DLG2: variants seen among roughly 807,000 people sequenced by gnomAD.
The protein encoded by DLG2 is disks large homolog 2.
A neutral mutation model predicts 132.5 loss-of-function variants in DLG2; 45 were observed. The ratio of observed to expected loss-of-function variants is 0.34; its 90% CI spans 0.27 to 0.44. DLG2 has a LOEUF of 0.44. DLG2 is among the 20% of genes least tolerant of loss of function. DLG2 has a pLI of 1.00. For synonymous variants in DLG2, 424 were observed against 419.6 expected (o/e 1.01, Z -0.13); for missense variants, 1,045 against 1,196.9 (o/e 0.87, Z 1.87).
chr11:85,560,454 A>C (rs1158118639), intron 3 of DLG2, among the ~76,000 whole-genome samples: 1 of 151,926 alleles, frequency 6.6e-6, no homozygotes, highest in African/African-American at 2.4e-5. Flanking sequence ...CCTCAAAAAC[A>C]TTATGGTAAG....
At chr11:83,664,192 T>C (rs183811415) in intron 18 of DLG2, among the ~76,000 whole-genome samples, 109 of 152,300 alleles carry the variant, frequency 7.2e-4, no homozygotes, top group Non-Finnish European at 1.2e-3. Flanking sequence ...TGTTGACACA[T>C]AGGCTGTCAT....
chr11:84,195,899 C>A (rs1314496770), intron 8 of DLG2, among the ~76,000 whole-genome samples: 1 of 152,150 alleles, frequency 6.6e-6, no homozygotes, highest in Non-Finnish European at 1.5e-5. Flanking sequence ...GTGCAAGGAT[C>A]ATGCCTGCTA....
In DLG2 at chr11:84,030,728, C is replaced by T. The variant is rs141719879; in HGVS notation, c.919+28587G>A. On this transcript the variant is annotated intron_variant, in intron 11 of 27. Transcript: ENST00000376104. ...TCCTCCTGAAAAAATATGTGATAGA[C>T]TAAGGTTAGAGTTCTTCTACCTGAA... Among the ~76,000 whole-genome samples the T allele has an allele frequency of 1.8e-3, 270 of 152,142 alleles. 1 individual carries two copies. The highest frequency in any genetic ancestry group is 6.0e-3 in the African/African-American group (250 of 41,518).
At chr11:84,271,997 G>A (rs971500722) in intron 7 of DLG2, 4 of 147,350 alleles carry the variant, frequency 2.7e-5, no homozygotes, top group Admixed American at 1.4e-4. Context: ...ATAAACATAG[G>A]AGAAGCAAAC....
chr11:84,446,161 GT>G (rs1231624418), intron 7 of DLG2, among the ~76,000 whole-genome samples: 1 of 151,278 alleles, frequency 6.6e-6, no homozygotes, highest in African/African-American at 2.4e-5. Context: ...TCAATTTATT[GT>G]TTTTTACCTA....
At chr11:84,455,495 C>T (rs954326233) in intron 7 of DLG2, among the ~76,000 whole-genome samples, 1 of 151,150 alleles carries the variant, frequency 6.6e-6, no homozygotes, top group African/African-American at 2.4e-5. Flanking sequence ...AATGATTAAC[C>T]TCAGCAACCT....
At chr11:85,113,291 T>G (rs527382844) in intron 5 of DLG2, among the ~76,000 whole-genome samples, 9 of 152,166 alleles carry the variant, frequency 5.9e-5, no homozygotes, top group African/African-American at 1.9e-4. Context: ...ATAATAGATA[T>G]AGATTCTCCT....
At chr11:84,933,477 A>G (rs1210012922) in intron 6 of DLG2, among the ~76,000 whole-genome samples, 1 of 152,174 alleles carries the variant, frequency 6.6e-6, no homozygotes, top group Middle Eastern at 3.2e-3. Context: ...TTTTAATGAT[A>G]TTAATTTTTC....
chr11:84,443,922 A>AT (rs891199433), intron 7 of DLG2, among the ~76,000 whole-genome samples: 2 of 150,568 alleles, frequency 1.3e-5, no homozygotes, highest in Non-Finnish European at 3.0e-5. Context: ...CATTTTTATC[A>AT]TTTTTTTCTC....
intron 6 of DLG2, among the ~76,000 whole-genome samples, chr11:84,809,717 A>C (rs1032664165): frequency 6.6e-6 from 1 of 152,052 alleles, no homozygotes; most frequent in Non-Finnish European, 1.5e-5. Context: ...TATATCAAAA[A>C]CTATAAAATA....
intron 3 of DLG2, among the ~76,000 whole-genome samples, chr11:85,349,084 T>A (rs2083080569): frequency 6.6e-6 from 1 of 152,174 alleles, no homozygotes; most frequent in South Asian, 2.1e-4. Context: ...TGGTTGGACA[T>A]GCCTCTTTAT....
rs1024435902 is a variant in DLG2, at chr11:84,163,319, T to C, written c.624+142A>G. ...AATGCTTTCTACTGTGAGCATTTCA[T>C]TAATATTCTCATTGTGAGTCCTGTG... On this transcript the variant is annotated intron_variant, in intron 9 of 27. Coordinates refer to ENST00000376104, the MANE Select transcript of DLG2 (RefSeq NM_001142699.3). 2.7e-5 allele frequency: 18 copies of C among 659,430 alleles called. 1 individual carries two copies. In the South Asian group the frequency reaches 4.1e-4, roughly 15 times the overall value. The allele number at this position is 659,430 out of a possible 1,614,324, so 40.8% of individuals were successfully genotyped here.
intron 27 of DLG2, among the ~76,000 whole-genome samples, chr11:83,460,191 A>G (rs1420079827): frequency 6.6e-6 from 1 of 152,198 alleles, no homozygotes; most frequent in African/African-American, 2.4e-5. Context: ...GTAGTACTGG[A>G]CAATTTATCA....
chr11:84,020,795 G>A (rs1358061689), intron 11 of DLG2, among the ~76,000 whole-genome samples: 8 of 152,148 alleles, frequency 5.3e-5, no homozygotes, highest in East Asian at 3.8e-4. Context: ...TACAAAGCCC[G>A]TAAATTAGAA....
At chr11:83,631,325 A>C (rs968193593) in intron 19 of DLG2, 1 of 152,012 alleles carries the variant, frequency 6.6e-6, no homozygotes, top group Non-Finnish European at 1.5e-5. Flanking sequence ...TAGATGCTAA[A>C]GTCAGCCCTC....
At chr11:83,551,020 C>T (rs1031056352) in intron 19 of DLG2, among the ~76,000 whole-genome samples, 1 of 152,154 alleles carries the variant, frequency 6.6e-6, no homozygotes, top group Admixed American at 6.6e-5. Flanking sequence ...TCGTGAAGAT[C>T]ATGAGATGGT....
chr11:84,673,370 G>C (rs1184500183), intron 6 of DLG2, among the ~76,000 whole-genome samples: 2 of 151,954 alleles, frequency 1.3e-5, no homozygotes, highest in Non-Finnish European at 2.9e-5. Flanking sequence ...GATTAAGAAA[G>C]ATTATAGACT....
intron 3 of DLG2, among the ~76,000 whole-genome samples, chr11:85,523,159 T>A (rs879324407): frequency 2.6e-5 from 4 of 152,172 alleles, no homozygotes; most frequent in Non-Finnish European, 4.4e-5. Flanking sequence ...TGACAATGAA[T>A]GAGTTCTCAC....
chr11:85,504,866 G>T (rs1434271283), intron 3 of DLG2, among the ~76,000 whole-genome samples: 1 of 152,082 alleles, frequency 6.6e-6, no homozygotes, highest in Admixed American at 6.6e-5. Flanking sequence ...TCTTCCATTT[G>T]TTTCATCCTC....
Sources: gnomAD v4.1 joint callset for allele counts (sites outside exome capture counted in the v4.1 genomes callset) on GRCh38, gnomAD v4.1.1 for gene constraint, MANE v1.5 for transcripts, NCBI Gene and HGNC (gene_info 2026-07-23, HGNC 2026-07-21) for gene names.